Variants in NPRL3 observed in about 807,000 individuals in gnomAD.
NPRL3 encodes GATOR1 complex protein NPRL3.
NPRL3 carries 23 observed loss-of-function variants against 57.2 expected under a neutral mutation model. The ratio of observed to expected loss-of-function variants is 0.40; its 90% CI spans 0.29 to 0.57. The LOEUF is 0.57. NPRL3 is among the 20% of genes least tolerant of loss of function. The pLI, the probability that NPRL3 is intolerant of heterozygous loss-of-function variation, is 0.42. For missense variants in NPRL3, 691 were observed against 767.1 expected (o/e 0.90, Z 1.17); for synonymous variants, 333 against 321.1 (o/e 1.04, Z -0.39).
At chr16:87,240 C>CT (rs1418517411) in intron 13 of NPRL3, among the ~76,000 whole-genome samples, 2 of 151,302 alleles carry the variant, frequency 1.3e-5, no homozygotes, top group East Asian at 1.9e-4. Context: ...TTTTTTTTTC[C>CT]TTTTTTTGAG....
intron 7 of NPRL3, among the ~76,000 whole-genome samples, chr16:104,819 G>A (rs746249749): frequency 6.6e-6 from 1 of 152,182 alleles, no homozygotes; most frequent in Non-Finnish European, 1.5e-5. Context: ...TCAGAGGGAT[G>A]ACTGCTCTGG....
intron 9 of NPRL3, among the ~76,000 whole-genome samples, chr16:95,994 A>AGCAGCAACGCCCTGCTGACCT (rs1186125841): frequency 6.6e-6 from 1 of 152,184 alleles, no homozygotes; most frequent in African/African-American, 2.4e-5. Flanking sequence ...CCGCCACACC[A>AGCAGCAACGCCCTGCTGACCT]GCAGCAACGC....
At chr16:92,533 G>C (rs971396465) in intron 11 of NPRL3, 63 bp downstream of exon 11, 1 of 1,570,742 alleles carries the variant, frequency 6.4e-7, no homozygotes, top group Admixed American at 1.8e-5. Flanking sequence ...CCAACAGCCA[G>C]GCAGGTAGTG....
At chr16:110,398 C>T in intron 7 of NPRL3, 127 bp downstream of exon 7, 1 of 650,552 alleles carries the variant, frequency 1.5e-6, no homozygotes. Context: ...CCTCAGGGAA[C>T]CCTGATGCTC....
chr16:87,197 C>T (rs527587645), intron 13 of NPRL3, among the ~76,000 whole-genome samples: 80 of 152,242 alleles, frequency 5.3e-4, no homozygotes, highest in Admixed American at 2.8e-3. Context: ...TACAGTGAGT[C>T]CCACGTAGCT....
chr16:124,345 T>C (rs1053872157), intron 3 of NPRL3, among the ~76,000 whole-genome samples: 7 of 151,902 alleles, frequency 4.6e-5, no homozygotes, highest in Non-Finnish European at 1.0e-4. Flanking sequence ...CATCTTTTCT[T>C]TTCTTTTTTT....
intron 7 of NPRL3, among the ~76,000 whole-genome samples, chr16:105,969 A>G (rs1279304859): frequency 6.6e-6 from 1 of 152,236 alleles, no homozygotes. Context: ...CCTGCAGGAC[A>G]GGGCCACCAG....
At position 107,495 on chromosome 16, in the gene NPRL3, T is replaced by C. The variant is rs1899585940; in HGVS notation, c.629+3030A>G. ...CCCATCTCTACTAAAAATACAAAAA[T>C]TAGCCAGGCATGGTGATGTGCACCT... On this transcript the variant is annotated intron_variant, in intron 7 of 13. Coordinates refer to ENST00000611875, the MANE Select transcript of NPRL3 (RefSeq NM_001077350.3). 2.0e-5 allele frequency among the ~76,000 whole-genome samples: 3 copies of C among 150,204 alleles called. No individual in the cohort carries two copies. The Admixed American group carries it at 2.0e-4, about 10-fold the overall frequency.
intron 2 of NPRL3, among the ~76,000 whole-genome samples, chr16:136,569 G>A (rs1901090433): frequency 6.6e-6 from 1 of 151,780 alleles, no homozygotes; most frequent in African/African-American, 2.4e-5. Flanking sequence ...GCGCATGCCT[G>A]TAGTCCCAGC....
At chr16:129,787 T>C (rs528730882) in intron 3 of NPRL3, among the ~76,000 whole-genome samples, 21 of 152,290 alleles carry the variant, frequency 1.4e-4, no homozygotes, top group African/African-American at 4.6e-4. Flanking sequence ...ATCTTAGCTA[T>C]TTTTTCCCGG....
Position 88,842 on chromosome 16 carries a change from C to T in NPRL3, c.1400G>A (p.Ser467Asn), listed in dbSNP as rs1328766913. 1.2e-6 allele frequency: 2 copies of T among 1,613,704 alleles called. No homozygotes were observed. Among genetic ancestry groups the T allele is most frequent in the African/African-American group, 1.3e-5 (1 of 74,924 alleles). Residue 467 changes from serine (S) to asparagine (N), a missense_variant, in exon 13 of 14, where the codon AGC becomes AAC. Physicochemically the swap from Ser to Asn is conservative, Grantham distance 46. Transcript: ENST00000611875. ...TLTSPSMDNS[S>N]AELLPSGDSP... is the part of the protein sequence containing the mutation. ...GTCCCCGCTGGGAAGTAGCTCTGCG[C>T]TGGAGTTGTCCATGCTGGGGCTGGT...
chr16:97,008 C>T (rs1157743362), intron 9 of NPRL3, among the ~76,000 whole-genome samples: 1 of 152,236 alleles, frequency 6.6e-6, no homozygotes, highest in Non-Finnish European at 1.5e-5. Flanking sequence ...GGAAGCTCAG[C>T]CAGAGGGACC....
chr16:101,686 C>T (rs556902575), intron 7 of NPRL3, among the ~76,000 whole-genome samples: 94 of 152,348 alleles, frequency 6.2e-4, no homozygotes, highest in Non-Finnish European at 1.1e-3. Context: ...CCCACACTCC[C>T]ACCTGGGCAG....
rs532618698 is a variant in NPRL3 at position 100,521 on chromosome 16, G to C, written c.630-12C>G. The C allele has an allele frequency of 6.5e-7, 1 of 1,547,278 alleles. No homozygotes were observed. On this transcript the variant is annotated splice_polypyrimidine_tract_variant and intron_variant, in intron 7 of 13. Coordinates refer to ENST00000611875, the MANE Select transcript of NPRL3 (RefSeq NM_001077350.3). ...CCGACGTGCACAGGCTGCAGAGAGT[G>C]GGCGCTGTTACCCGTTCACATAAAC...
At chr16:130,213 G>C (rs1192962746) in intron 3 of NPRL3, among the ~76,000 whole-genome samples, 2 of 152,088 alleles carry the variant, frequency 1.3e-5, no homozygotes, top group Non-Finnish European at 2.9e-5. Context: ...AACAACATAG[G>C]GGTCTGCTTT....
At chr16:94,805 T>A (rs900637608) in intron 9 of NPRL3, among the ~76,000 whole-genome samples, 1 of 151,884 alleles carries the variant, frequency 6.6e-6, no homozygotes, top group Admixed American at 6.6e-5. Context: ...CTCGCATGTC[T>A]CTCTCAAAAA....
At chr16:133,238 G>T (rs1042595323) in intron 2 of NPRL3, among the ~76,000 whole-genome samples, 3 of 151,824 alleles carry the variant, frequency 2.0e-5, no homozygotes, top group African/African-American at 7.3e-5. Context: ...GTTTTGCTTT[G>T]TTTTGAGACA....
rs748391280 is a variant in NPRL3, at chr16:130,529, C to T, written c.181G>A (p.Asp61Asn). 75 of 1,551,926 alleles carry T rather than the reference C, an allele frequency of 4.8e-5. No homozygotes were observed. The highest frequency in any genetic ancestry group is 1.8e-4 in the South Asian group (15 of 84,218). Residue 61 changes from aspartate (D) to asparagine (N), a missense_variant, in exon 3 of 14, where the codon GAT becomes AAT. Transcript: ENST00000611875. ...TGDHADEQDG[D>N]SRFSDVILAT... ...TGGCCGCAGAGCCTTTACCTGGAAT[C>T]GCCGTCCTGCTCATCAGCATGGTCG...
intron 7 of NPRL3, among the ~76,000 whole-genome samples, chr16:108,669 T>TA (rs1439677036): frequency 1.6e-4 from 9 of 55,828 alleles, no homozygotes; most frequent in African/African-American, 5.7e-4. Flanking sequence ...TTTTGTTTTT[T>TA]AATTTTTATT....
Sources: gnomAD v4.1 joint callset for allele counts (sites outside exome capture counted in the v4.1 genomes callset) on GRCh38, gnomAD v4.1.1 for gene constraint, MANE v1.5 for transcripts, NCBI Gene and HGNC (gene_info 2026-07-23, HGNC 2026-07-21) for gene names.